The following WNT5B variants were observed in gnomAD, a reference collection of about 807,000 sequenced individuals.
WNT5B encodes Wnt family member 5B.
In WNT5B, 18 loss-of-function variants were observed where a neutral mutation model predicts 36.5. The ratio of observed to expected loss-of-function variants is 0.49; its 90% CI spans 0.34 to 0.73. The LOEUF (loss-of-function observed/expected upper bound fraction) is 0.73, where lower values mean the gene tolerates loss of function less well. Ranked by LOEUF, WNT5B falls within the 30% of genes least tolerant of loss-of-function variation. The probability of loss-of-function intolerance (pLI) is 0.01; values close to 1 mark genes in which losing one functional copy is unlikely to be tolerated. For missense variants in WNT5B, 424 were observed against 508.4 expected (o/e 0.83, Z 1.60); for synonymous variants, 213 against 212.3 (o/e 1.00, Z -0.03).
Position 1,646,510 on chromosome 12 carries a change from A to T in WNT5B, c.*258A>T. 1 of 220,510 alleles carries T rather than the reference A, an allele frequency of 4.5e-6. No homozygotes were observed. Among genetic ancestry groups the T allele is most frequent in the Non-Finnish European group, 8.8e-6 (1 of 113,402 alleles). The allele number at this position is 220,510 out of a possible 1,614,324, so 13.7% of individuals were successfully genotyped here. A position where few individuals can be genotyped will look rare whatever the true frequency, so the allele number is the denominator to read the frequency against. On this transcript the variant is annotated 3_prime_UTR_variant, in exon 5 of 5. Coordinates refer to ENST00000397196, the MANE Select transcript of WNT5B (RefSeq NM_032642.3). The stretch of plus-strand genomic sequence containing the variant: ...TGGCGAGGACTCTCAGGATGTAGGG[A>T]CTTGGAAATATTTACTGTCTGTCCA...
intron 1 of WNT5B, among the ~76,000 whole-genome samples, chr12:1,629,579 C>T (rs906262795): frequency 7.2e-5 from 11 of 151,910 alleles, no homozygotes; most frequent in Non-Finnish European, 1.2e-4. Flanking sequence ...AGGGCACGGG[C>T]GGCCCTAGCT....
intron 1 of WNT5B, among the ~76,000 whole-genome samples, chr12:1,623,184 G>GGTTTTTTTTTTTTTTT (rs1272170104): frequency 3.7e-5 from 2 of 53,490 alleles, no homozygotes; most frequent in African/African-American, 1.5e-4. Context: ...AGGGTTTTTT[G>GGTTTTTTTTTTTTTTT]TTGTTTTTTT....
chr12:1,631,585 T>A (rs1443617003), intron 2 of WNT5B, 151 bp downstream of exon 2: 2 of 1,263,890 alleles, frequency 1.6e-6, no homozygotes, highest in Non-Finnish European at 2.2e-6. Context: ...AAGAACGCTC[T>A]GTGTCTCTCT....
rs780742438 is a variant in WNT5B at position 1,639,993 on chromosome 12, C to T, written c.621+17C>T. 2 of 1,601,476 alleles carry T rather than the reference C, an allele frequency of 1.2e-6. No individual in the cohort carries two copies. The highest frequency in any genetic ancestry group is 1.7e-6 in the Non-Finnish European group (2 of 1,174,760). On this transcript the variant is annotated intron_variant, in intron 4 of 4. Coordinates refer to ENST00000397196, the MANE Select transcript of WNT5B (RefSeq NM_032642.3). ...GGTCGCAGGGTAAGCTGGGCCTCCC[C>T]GGCCTCCCCAGCACTGCAGACCTAG... is the stretch of plus-strand genomic sequence containing the variant.
At chr12:1,639,242 A>C (rs2094568424) in intron 3 of WNT5B, among the ~76,000 whole-genome samples, 1 of 150,070 alleles carries the variant, frequency 6.7e-6, no homozygotes, top group African/African-American at 2.4e-5. Flanking sequence ...GGTTCACGCC[A>C]TTCTCCTGCC....
Position 1,646,425 on chromosome 12 carries a change from A to T in WNT5B, c.*173A>T, listed in dbSNP as rs188628653. ...TAAGAGACGCTGGAGATCTCTGAGG[A>T]GTGGACTTTGCTGGTTCTCTCCTCT... is the stretch of plus-strand genomic sequence containing the variant. On this transcript the variant is annotated 3_prime_UTR_variant, in exon 5 of 5. Transcript: ENST00000397196. 1.9e-6 allele frequency: 1 copy of T among 518,256 alleles called. No homozygotes were observed. Among genetic ancestry groups the T allele is most frequent in the East Asian group, 4.2e-5 (1 of 23,790 alleles). The allele number at this position is 518,256 out of a possible 1,614,324, so 32.1% of individuals were successfully genotyped here. A position where few individuals can be genotyped will look rare whatever the true frequency, so the allele number is the denominator to read the frequency against.
chr12:1,645,821 T>G lies in WNT5B; in HGVS notation c.649T>G (p.Cys217Gly), dbSNP rs770579981. Residue 217 changes from cysteine (C) to glycine (G), a missense_variant, in exon 5 of 5, where the codon TGC becomes GGC. Transcript: ENST00000397196. Reference sequence around the variant, plus strand: ...TGTGTATAAGATGGCAGACGTAGCCTGCAAATGCCACGGCGTCTCGGGGTC... The same window carrying G: ...TGTGTATAAGATGGCAGACGTAGCCGGCAAATGCCACGGCGTCTCGGGGTC... Reference protein sequence around the residue: ...RAVYKMADVACKCHGVSGSCS... With the variant: ...RAVYKMADVAGKCHGVSGSCS... 6.3e-7 allele frequency: 1 copy of G among 1,597,538 alleles called. No homozygotes were observed. The highest frequency in any genetic ancestry group is 8.5e-7 in the Non-Finnish European group (1 of 1,169,868).
chr12:1,636,360 C>T (rs1391476003), intron 3 of WNT5B, among the ~76,000 whole-genome samples: 1 of 151,410 alleles, frequency 6.6e-6, no homozygotes, highest in East Asian at 1.9e-4. Flanking sequence ...CAACCCTAGG[C>T]GACCACTATT....
chr12:1,619,378 G>A (rs1349852878), intron 1 of WNT5B, among the ~76,000 whole-genome samples: 1 of 152,144 alleles, frequency 6.6e-6, no homozygotes, highest in African/African-American at 2.4e-5. Context: ...AAGCTTGGAA[G>A]GAAGAACTAG....
intron 3 of WNT5B, among the ~76,000 whole-genome samples, chr12:1,634,031 C>A (rs2094555974): frequency 6.6e-6 from 1 of 152,212 alleles, no homozygotes; most frequent in Admixed American, 6.5e-5. Flanking sequence ...CATAGTGAGA[C>A]CTCTGTCTCT....
intron 3 of WNT5B, among the ~76,000 whole-genome samples, chr12:1,638,440 C>T (rs1201525660): frequency 6.6e-6 from 1 of 152,186 alleles, no homozygotes; most frequent in East Asian, 1.9e-4. Context: ...ACCGCTTAAC[C>T]ATTCCCACCC....
At chr12:1,642,804 C>G (rs1280676984) in intron 4 of WNT5B, among the ~76,000 whole-genome samples, 1 of 152,210 alleles carries the variant, frequency 6.6e-6, no homozygotes, top group Non-Finnish European at 1.5e-5. Context: ...TCTGTCTCCC[C>G]GCTTAGCCCC....
Position 1,646,129 on chromosome 12 carries a change from C to T in WNT5B, c.957C>T (p.Cys319=), listed in dbSNP as rs150051301. 2,000 of 1,613,932 alleles carry T rather than the reference C, an allele frequency of 1.2e-3. 4 individuals are homozygous for T. The highest frequency in any genetic ancestry group is 1.5e-3 in the Non-Finnish European group (1,818 of 1,180,038). The change falls in exon 5 of 5, where the codon TGC becomes TGT. Residue 319 remains cysteine (C), a synonymous_variant. Coordinates refer to ENST00000397196, the MANE Select transcript of WNT5B (RefSeq NM_032642.3). ...TGGATGGCTGTGAGCTCATGTGCTG[C>T]GGGCGTGGCTACAACCAGTTCAAGA... ...EGMDGCELMC[C]GRGYNQFKSV... is the part of the protein sequence containing the mutation.
rs529807731 is a variant in WNT5B at position 1,645,888 on chromosome 12, G to A, written c.716G>A (p.Arg239His). ...TGCTGGCTGCAGCTGGCCGAGTTCCGCAAGGTCGGGGACCGGCTGAAGGAG... is the reference window on the plus strand; with the variant it reads ...TGCTGGCTGCAGCTGGCCGAGTTCCACAAGGTCGGGGACCGGCTGAAGGAG... Reference protein sequence around the residue: ...KTCWLQLAEFRKVGDRLKEKY... With the variant: ...KTCWLQLAEFHKVGDRLKEKY... Residue 239 changes from arginine to histidine, a missense_variant, in exon 5 of 5, where the codon CGC becomes CAC. By Grantham distance (29) the Arg-to-His change is conservative. Coordinates refer to ENST00000397196, the MANE Select transcript of WNT5B (RefSeq NM_032642.3). 2.5e-6 allele frequency: 4 copies of A among 1,611,214 alleles called. No homozygotes were observed. Among genetic ancestry groups the A allele is most frequent in the South Asian group, 1.1e-5 (1 of 91,038 alleles).
chr12:1,623,778 C>A (rs1169414555), intron 1 of WNT5B, among the ~76,000 whole-genome samples: 1 of 152,124 alleles, frequency 6.6e-6, no homozygotes, highest in Non-Finnish European at 1.5e-5. Context: ...CCTTCCAGAC[C>A]CATAGCTCTT....
chr12:1,620,822 G>A (rs2094532816), intron 1 of WNT5B, among the ~76,000 whole-genome samples: 1 of 151,244 alleles, frequency 6.6e-6, no homozygotes. Flanking sequence ...TCCTGCCTCA[G>A]CCTCCCAAGT....
At chr12:1,635,914 A>G (rs980406809) in intron 3 of WNT5B, among the ~76,000 whole-genome samples, 1 of 152,074 alleles carries the variant, frequency 6.6e-6, no homozygotes, top group Non-Finnish European at 1.5e-5. Context: ...AGAAAAACGG[A>G]CTCACTCAGC....
Position 1,618,042 on chromosome 12 carries a change from T to G in WNT5B, c.-58+899T>G, listed in dbSNP as rs916025714. Among the ~76,000 whole-genome samples, 11 of 152,114 alleles carry G rather than the reference T, an allele frequency of 7.2e-5. No individual in the cohort carries two copies. Among genetic ancestry groups the G allele is most frequent in the African/African-American group, 2.7e-4 (11 of 41,404 alleles). Reference sequence around the variant, plus strand: ...CTGTAGTCCCAGCTACTCAGGAGGCTGAGGTGGGAGGATCGCTTGAGCCCA... The same window carrying G: ...CTGTAGTCCCAGCTACTCAGGAGGCGGAGGTGGGAGGATCGCTTGAGCCCA... On this transcript the variant is annotated intron_variant, in intron 1 of 4. Coordinates refer to the WNT5B transcript ENST00000310594. The surrounding 1 kb of genome is among the most constrained non-coding windows in gnomAD (Gnocchi z 4.1).
upstream of WNT5B, among the ~76,000 whole-genome samples, chr12:1,624,377 C>CAAAAA (rs34209948): frequency 2.4e-4 from 19 of 78,194 alleles, no homozygotes; most frequent in East Asian, 3.8e-4. Flanking sequence ...GACTCTGTCT[C>CAAAAA]AAAAAAAAAA....
Sources: gnomAD v4.1 joint callset for allele counts (sites outside exome capture counted in the v4.1 genomes callset) on GRCh38, gnomAD v4.1.1 for gene constraint, Gnocchi (gnomAD v3.1) non-coding constraint, MANE v1.5 for transcripts, NCBI Gene and HGNC (gene_info 2026-07-23, HGNC 2026-07-21) for gene names.